Variants in PHC1 observed in about 807,000 individuals in gnomAD.
The protein encoded by PHC1 is polyhomeotic-like protein 1.
Under a neutral mutation model 104.3 loss-of-function variants are expected in PHC1, and 12 were observed. The ratio of observed to expected loss-of-function variants is 0.12; its 90% CI spans 0.07 to 0.19. The LOEUF (loss-of-function observed/expected upper bound fraction) is 0.19. PHC1 is among the 10% of genes least tolerant of loss of function. The pLI, the probability that PHC1 is intolerant of heterozygous loss-of-function variation, is 1.00. For synonymous variants in PHC1, 302 were observed against 455.8 expected (o/e 0.66, Z 4.30); for missense variants, 671 against 1,200.0 (o/e 0.56, Z 6.51).
Position 8,939,288 on chromosome 12 carries a change from C to T in PHC1, c.2861-17C>T, listed in dbSNP as rs1239017511. The T allele has an allele frequency of 3.7e-6, 6 of 1,614,102 alleles. No homozygotes were observed. Among genetic ancestry groups the T allele is most frequent in the Non-Finnish European group, 5.1e-6 (6 of 1,179,990 alleles). ...TATCATCTGGCATTACCTACATGTTCTCACCATTTCTTCTAGGCTGCCAAG... is the reference window on the plus strand; with the variant it reads ...TATCATCTGGCATTACCTACATGTTTTCACCATTTCTTCTAGGCTGCCAAG... On this transcript the variant is annotated splice_polypyrimidine_tract_variant and intron_variant, in intron 14 of 14. Coordinates refer to ENST00000544916, the MANE Select transcript of PHC1 (RefSeq NM_004426.3).
intron 6 of PHC1, among the ~76,000 whole-genome samples, chr12:8,923,569 C>T (rs560628601): frequency 1.3e-5 from 2 of 151,954 alleles, no homozygotes; most frequent in Non-Finnish European, 2.9e-5. Flanking sequence ...TGGCTCACGC[C>T]TGTAATCCCA....
At chr12:8,914,159 C>T (rs1012538175), upstream of PHC1, among the ~76,000 whole-genome samples, 1 of 152,068 alleles carries the variant, frequency 6.6e-6, no homozygotes, top group Non-Finnish European at 1.5e-5. Context: ...AAAATACCTT[C>T]TTTCTCCCCG....
At chr12:8,925,723 G>A (rs562896077) in intron 6 of PHC1, among the ~76,000 whole-genome samples, 1 of 152,154 alleles carries the variant, frequency 6.6e-6, no homozygotes, top group Non-Finnish European at 1.5e-5. Context: ...TGGGGGCTGT[G>A]TTTAGGATTT....
chr12:8,936,953 T>G lies in PHC1; in HGVS notation c.2466T>G (p.Thr822=), dbSNP rs1457008192. 2.9e-5 allele frequency: 47 copies of G among 1,609,060 alleles called. No individual in the cohort carries two copies. The highest frequency in any genetic ancestry group is 3.9e-5 in the Non-Finnish European group (46 of 1,175,650). The part of the protein sequence containing the change: ...FRGSKRFCSM[T]CAKRYNVSCS... ...GCTCTAAGAGGTTCTGCTCCATGAC[T>G]TGCGCTAAGAGGTACTCTGGGCACC... Residue 822 remains threonine (T), a synonymous_variant, in exon 12 of 15, where the codon ACT becomes ACG. Coordinates refer to ENST00000544916, the MANE Select transcript of PHC1 (RefSeq NM_004426.3).
intron 8 of PHC1, 170 bp downstream of exon 8, chr12:8,933,520 A>G: frequency 1.1e-6 from 1 of 929,246 alleles, no homozygotes; most frequent in Non-Finnish European, 1.5e-6. Flanking sequence ...TCTGAACTTT[A>G]TACTCCTAAA....
At chr12:8,923,824 C>T (rs1342329640) in intron 6 of PHC1, among the ~76,000 whole-genome samples, 2 of 78,976 alleles carry the variant, frequency 2.5e-5, no homozygotes, top group Admixed American at 1.9e-4. Context: ...AGCGAGACTC[C>T]GTCTCAAAAA....
At chr12:8,934,059 G>C (rs1044977087) in intron 9 of PHC1, 47 bp downstream of exon 9, 4 of 1,593,322 alleles carry the variant, frequency 2.5e-6, no homozygotes, top group Non-Finnish European at 3.4e-6. Flanking sequence ...CAGAGTAGAG[G>C]AATGTTCTGA....
Position 8,937,955 on chromosome 12 carries a change from G to T in PHC1, c.2755G>T (p.Ala919Ser). The T allele has an allele frequency of 2.5e-6, 4 of 1,602,766 alleles. No individual in the cohort carries two copies. The highest frequency in any genetic ancestry group is 3.4e-6 in the Non-Finnish European group (4 of 1,169,968). Residue 919 changes from alanine (A) to serine (S), a missense_variant, in exon 14 of 15, where the codon GCT (alanine) becomes TCT (serine). Around this residue, in one of 9 missense-constraint regions of PHC1, gnomAD observed 192 missense variants for 280.5 expected, o/e 0.68. Transcript: ENST00000544916. Reference protein sequence around the residue: ...GERDLGNPNTAPPTPELHGIN... With the variant: ...GERDLGNPNTSPPTPELHGIN... The stretch of plus-strand genomic sequence containing the variant: ...ACGTGACCTGGGGAATCCCAATACA[G>T]CTCCACCTACACCGGAATTACATGG...
chr12:8,930,381 A>G (rs891585778), intron 6 of PHC1, 54 bp from the exon 7 acceptor site: 11 of 1,568,358 alleles, frequency 7.0e-6, no homozygotes, highest in African/African-American at 2.7e-5. Flanking sequence ...TTGAATCTTT[A>G]ACCTTAATGC....
intron 11 of PHC1, 143 bp from the exon 12 acceptor site, chr12:8,936,713 C>A (rs773201112): frequency 1.2e-4 from 77 of 623,860 alleles, no homozygotes; most frequent in Non-Finnish European, 2.1e-4. Context: ...TTGAACTTTG[C>A]GTTTTAGGGA....
At chr12:8,937,413 G>C in intron 13 of PHC1, 87 bp downstream of exon 13, 1 of 1,225,246 alleles carries the variant, frequency 8.2e-7, no homozygotes, top group Non-Finnish European at 1.1e-6. Flanking sequence ...CAGGTAAGAG[G>C]GTGTGAGATG....
rs11047996 is a variant in PHC1, at chr12:8,919,351, A to G, written c.115-405A>G. 0.86 allele frequency among the ~76,000 whole-genome samples: 130,865 copies of G among 152,094 alleles called. 57,554 individuals are homozygous for G. The highest frequency in any genetic ancestry group is 0.97 in the South Asian group (4,679 of 4,824). On this transcript the variant is annotated intron_variant, in intron 2 of 14. Transcript: ENST00000544916. The surrounding 1 kb of genome is among the most constrained non-coding windows in gnomAD (Gnocchi z 4.9). The stretch of plus-strand genomic sequence containing the variant: ...GCTGGGATTACAGGCAGGAGCCACC[A>G]CGCCTGGCTCAGAAAGATCTCTTGA...
In PHC1 at chr12:8,919,931, A is replaced by AT. The variant is rs775845326; in HGVS notation, c.225+71dup. 3.2e-6 allele frequency: 5 copies of AT among 1,562,514 alleles called. No homozygotes were observed. Among genetic ancestry groups the AT allele is most frequent in the South Asian group, 2.3e-5 (2 of 85,498 alleles). On this transcript the variant is annotated intron_variant, in intron 3 of 14. Transcript: ENST00000544916. The surrounding 1 kb of genome is among the most constrained non-coding windows in gnomAD (Gnocchi z 4.9). Reference sequence around the variant, plus strand: ...CAGGCACTACAGGTGGGTAGGGGAGATTTTTTGGGCATATAGCATCCTATA... The same window carrying AT: ...CAGGCACTACAGGTGGGTAGGGGAGATTTTTTTGGGCATATAGCATCCTATA...
chr12:8,930,015 T>C lies in PHC1; in HGVS notation c.613-420T>C, dbSNP rs754238334. 7.2e-5 allele frequency among the ~76,000 whole-genome samples: 11 copies of C among 152,286 alleles called. No individual in the cohort carries two copies. In the South Asian group the frequency reaches 2.3e-3, roughly 32 times the overall value. On this transcript the variant is annotated intron_variant, in intron 6 of 14. Transcript: ENST00000544916. ...ACTGGGTGCATATCTATACATCTTA[T>C]TATGTCATAAGTGATAATTTTCTTG...
Position 8,937,818 on chromosome 12 carries a change from T to C in PHC1, c.2629-11T>C, listed in dbSNP as rs1198164753. On this transcript the variant is annotated splice_polypyrimidine_tract_variant and intron_variant, in intron 13 of 14. Coordinates refer to ENST00000544916, the MANE Select transcript of PHC1 (RefSeq NM_004426.3). ...ACACTGACCTCATTGGTTTGCTCTT[T>C]TCCCCTATAGGGTCAAGAAGACTCT... The C allele has an allele frequency of 1.2e-6, 2 of 1,608,974 alleles. No individual in the cohort carries two copies. The highest frequency in any genetic ancestry group is 2.2e-5 in the East Asian group (1 of 44,864).
intron 8 of PHC1, 34 bp from the exon 9 acceptor site, chr12:8,933,831 C>T: frequency 1.9e-6 from 3 of 1,571,564 alleles, no homozygotes; most frequent in East Asian, 4.5e-5. Context: ...TTCATTTGTA[C>T]ATCTTTGTTT....
rs1290548636 is a variant in PHC1, at chr12:8,930,633, A to G, written c.811A>G (p.Ser271Gly). 2.0e-6 allele frequency: 3 copies of G among 1,474,148 alleles called. No individual in the cohort carries two copies. The highest frequency in any genetic ancestry group is 2.5e-5 in the East Asian group (1 of 40,766). The allele number at this position is 1,474,148 out of a possible 1,614,324, so 91.3% of individuals were successfully genotyped here. Reference sequence around the variant, plus strand: ...CAACCTTAGTCAAGCTGGTGGAGGCAGTGGGAATAGCATCCCAGGGTCCAT... The same window carrying G: ...CAACCTTAGTCAAGCTGGTGGAGGCGGTGGGAATAGCATCCCAGGGTCCAT... ...SLNLSQAGGG[S>G]GNSIPGSMGP... Residue 271 changes from serine (S) to glycine (G), a missense_variant, in exon 7 of 15, where the codon AGT (serine) becomes GGT (glycine). Ser to Gly is a moderately conservative substitution (Grantham distance 56, BLOSUM62 0). Transcript: ENST00000544916.
In PHC1 at chr12:8,917,386, C is replaced by T. The variant is rs181124490; in HGVS notation, c.-48-244C>T. On this transcript the variant is annotated intron_variant, in intron 1 of 14. Coordinates refer to ENST00000544916, the MANE Select transcript of PHC1 (RefSeq NM_004426.3). ...TCTGGCCGTTTTATTTAATGACAGCCATGAGGGAATACGTAAAGGTTGTTT... is the reference window on the plus strand; with the variant it reads ...TCTGGCCGTTTTATTTAATGACAGCTATGAGGGAATACGTAAAGGTTGTTT... 5.3e-5 allele frequency among the ~76,000 whole-genome samples: 8 copies of T among 152,230 alleles called. No homozygotes were observed. In the East Asian group the frequency reaches 1.4e-3, roughly 26 times the overall value.
intron 6 of PHC1, among the ~76,000 whole-genome samples, chr12:8,930,150 T>A (rs762620862): frequency 1.3e-5 from 2 of 152,182 alleles, no homozygotes; most frequent in Non-Finnish European, 2.9e-5. Context: ...AGGTGCTGAA[T>A]GATTGAATGG....
Sources: gnomAD v4.1 joint callset for allele counts (sites outside exome capture counted in the v4.1 genomes callset) on GRCh38, gnomAD v4.1.1 for gene constraint, gnomAD v4.1.1 regional missense constraint, Gnocchi (gnomAD v3.1) non-coding constraint, MANE v1.5 for transcripts, NCBI Gene and HGNC (gene_info 2026-07-23, HGNC 2026-07-21) for gene names.